The following PPM1L variants were observed in gnomAD, a reference collection of about 807,000 sequenced individuals.
PPM1L encodes the protein protein phosphatase, Mg2+/Mn2+ dependent 1L.
A neutral mutation model predicts 31.4 loss-of-function variants in PPM1L; 13 were observed. That is an observed-to-expected ratio of 0.41 (90% confidence interval 0.27 to 0.66). PPM1L has a LOEUF of 0.66. Ranked by LOEUF, PPM1L falls within the 30% of genes least tolerant of loss-of-function variation. The pLI is 0.29. For synonymous variants in PPM1L, 184 were observed against 175.4 expected (o/e 1.05, Z -0.39); for missense variants, 326 against 453.7 (o/e 0.72, Z 2.56).
intron 1 of PPM1L, among the ~76,000 whole-genome samples, chr3:160,773,488 C>T (rs1157054893): frequency 6.6e-6 from 1 of 151,974 alleles, no homozygotes; most frequent in African/African-American, 2.4e-5. Context: ...AGAGGTTGTG[C>T]GGGGTAACCA....
intron 1 of PPM1L, among the ~76,000 whole-genome samples, chr3:160,924,502 T>G (rs982357043): frequency 6.6e-6 from 1 of 152,206 alleles, no homozygotes; most frequent in Non-Finnish European, 1.5e-5. Context: ...AAATCTAGCC[T>G]AATAACCAAT....
chr3:160,788,917 A>G (rs996750511), intron 1 of PPM1L, among the ~76,000 whole-genome samples: 1 of 151,914 alleles, frequency 6.6e-6, no homozygotes, highest in African/African-American at 2.4e-5. Context: ...TTTAATTACT[A>G]TAACTTTACA....
intron 3 of PPM1L, 118 bp from the exon 4 acceptor site, chr3:161,068,693 G>A: frequency 1.3e-6 from 1 of 769,848 alleles, no homozygotes; most frequent in Non-Finnish European, 2.1e-6. Flanking sequence ...GGGGTTAAGG[G>A]GAGTGCCCAC....
intron 1 of PPM1L, among the ~76,000 whole-genome samples, chr3:160,854,796 C>G (rs1244772850): frequency 6.8e-6 from 1 of 147,412 alleles, no homozygotes; most frequent in African/African-American, 2.5e-5. Context: ...AAGCAATTTA[C>G]AGATTCAATG....
At chr3:160,823,368 A>AT (rs199918303) in intron 1 of PPM1L, among the ~76,000 whole-genome samples, 3,645 of 142,160 alleles carry the variant, frequency 0.026, 73 homozygotes, top group Middle Eastern at 0.072. Context: ...TGTATAAATG[A>AT]TTTTTTTTTT....
At chr3:160,946,068 G>A (rs1446096365) in intron 1 of PPM1L, among the ~76,000 whole-genome samples, 3 of 152,060 alleles carry the variant, frequency 2.0e-5, no homozygotes, top group Admixed American at 1.3e-4. Context: ...TTGGAGTTAA[G>A]GGTCAACTGT....
chr3:161,014,044 C>T (rs972930601), intron 2 of PPM1L, among the ~76,000 whole-genome samples: 42 of 152,042 alleles, frequency 2.8e-4, no homozygotes, highest in Non-Finnish European at 3.8e-4. Context: ...TATTGTTATG[C>T]GTGAATTTGA....
intron 1 of PPM1L, among the ~76,000 whole-genome samples, chr3:160,810,752 A>G (rs1382557756): frequency 3.3e-5 from 5 of 152,190 alleles, no homozygotes; most frequent in Non-Finnish European, 2.9e-5. Context: ...TAAATTGTAT[A>G]TTATTTTGCC....
Position 161,012,346 on chromosome 3 carries a change from C to G in PPM1L, c.574+50436C>G, listed in dbSNP as rs537995664. On this transcript the variant is annotated intron_variant, in intron 2 of 3. Transcript: ENST00000498165. ...TATTGATTTGCGTATGTTGAACCAGCCTTGCATCCCAGGGATGAAGCCCAC... is the reference window on the plus strand; with the variant it reads ...TATTGATTTGCGTATGTTGAACCAGGCTTGCATCCCAGGGATGAAGCCCAC... Among the ~76,000 whole-genome samples, 38 of 152,248 alleles carry G rather than the reference C, an allele frequency of 2.5e-4. 1 individual carries two copies. In the East Asian group the frequency reaches 6.8e-3, roughly 27 times the overall value.
chr3:160,893,025 A>G (rs1713209789), intron 1 of PPM1L, among the ~76,000 whole-genome samples: 1 of 152,172 alleles, frequency 6.6e-6, no homozygotes, highest in Non-Finnish European at 1.5e-5. Context: ...TATATATATA[A>G]CTGGAGTTAG....
At chr3:160,868,400 C>T (rs1284980921) in intron 1 of PPM1L, among the ~76,000 whole-genome samples, 1 of 152,138 alleles carries the variant, frequency 6.6e-6, no homozygotes, top group African/African-American at 2.4e-5. Flanking sequence ...GTCGGGGGAA[C>T]TAGAGAATTA....
chr3:160,837,051 C>T (rs1229647332), intron 1 of PPM1L, among the ~76,000 whole-genome samples: 1 of 152,046 alleles, frequency 6.6e-6, no homozygotes, highest in African/African-American at 2.4e-5. Context: ...TCTTTGATTG[C>T]CCCCCTGCTG....
At chr3:160,782,030 T>A (rs1711760860) in intron 1 of PPM1L, among the ~76,000 whole-genome samples, 1 of 152,216 alleles carries the variant, frequency 6.6e-6, no homozygotes, top group Non-Finnish European at 1.5e-5. Context: ...AATTCACCAC[T>A]TTAAAGTGTA....
intron 1 of PPM1L, among the ~76,000 whole-genome samples, chr3:160,955,158 G>GCC (rs1715729425): frequency 6.6e-6 from 1 of 151,424 alleles, no homozygotes; most frequent in African/African-American, 2.4e-5. Context: ...CTACAGGCAT[G>GCC]CACCACCATG....
At position 161,072,992 on chromosome 3, in the gene PPM1L, A is replaced by C. The variant is rs748777241; in HGVS notation, c.*3835A>C. On this transcript the variant is annotated 3_prime_UTR_variant, in exon 4 of 4. Transcript: ENST00000498165. Reference sequence around the variant, plus strand: ...AGAAATGACATGACTGTTAGATACTATGCCTGTTTAATTGCCTCTGGATTA... The same window carrying C: ...AGAAATGACATGACTGTTAGATACTCTGCCTGTTTAATTGCCTCTGGATTA... 1.3e-5 allele frequency: 2 copies of C among 152,210 alleles called. No homozygotes were observed. The highest frequency in any genetic ancestry group is 2.9e-5 in the Non-Finnish European group (2 of 68,032). The allele number at this position is 152,210 out of a possible 1,614,324, so 9.4% of individuals were successfully genotyped here. A position where few individuals can be genotyped will look rare whatever the true frequency, so the allele number is the denominator to read the frequency against.
chr3:160,977,562 T>G (rs1487808231), intron 2 of PPM1L, among the ~76,000 whole-genome samples: 1 of 152,206 alleles, frequency 6.6e-6, no homozygotes, highest in Non-Finnish European at 1.5e-5. Flanking sequence ...CACTCTGATT[T>G]CCATTCTCCT....
intron 2 of PPM1L, among the ~76,000 whole-genome samples, chr3:161,023,270 A>G (rs1718289815): frequency 6.6e-6 from 1 of 150,550 alleles, no homozygotes; most frequent in South Asian, 2.1e-4. Context: ...AGATTAATGT[A>G]TTTCATCCCA....
chr3:160,929,040 G>A (rs1289723405), intron 1 of PPM1L, among the ~76,000 whole-genome samples: 1 of 151,822 alleles, frequency 6.6e-6, no homozygotes, highest in Non-Finnish European at 1.5e-5. Flanking sequence ...TTTTTGTTTT[G>A]TTTTGCTTTG....
intron 1 of PPM1L, among the ~76,000 whole-genome samples, chr3:160,807,038 T>C (rs1483289140): frequency 1.3e-5 from 2 of 152,164 alleles, no homozygotes; most frequent in Non-Finnish European, 2.9e-5. Context: ...TCTCTGAAGA[T>C]GGGGCCGAGG....
Sources: allele counts gnomAD v4.1 joint callset (sites outside exome capture counted in the v4.1 genomes callset), GRCh38; gene constraint gnomAD v4.1.1; transcripts MANE v1.5; gene names NCBI Gene and HGNC (gene_info 2026-07-23, HGNC 2026-07-21).